Variants in RASAL2 observed in about 807,000 individuals in gnomAD.
The protein encoded by RASAL2 is ras GTPase-activating protein nGAP.
In RASAL2, 58 loss-of-function variants were observed where a neutral mutation model predicts 128.9. The observed-to-expected ratio is 0.45, with a 90% CI of 0.36 to 0.56. The LOEUF is 0.56. Among genes scored for constraint, RASAL2 ranks in the 20% least tolerant of loss-of-function variants. The pLI is 0.00. For synonymous variants in RASAL2, 561 were observed against 580.8 expected (o/e 0.97, Z 0.49); for missense variants, 1,360 against 1,601.6 (o/e 0.85, Z 2.57).
At chr1:178,457,597 G>A (rs981227656) in intron 13 of RASAL2, 86 bp from the exon 14 acceptor site, 37 of 1,382,492 alleles carry the variant, frequency 2.7e-5, no homozygotes, top group Admixed American at 1.3e-4. Flanking sequence ...AAGAACCTTC[G>A]GAGGAGTTCA....
intron 1 of RASAL2, among the ~76,000 whole-genome samples, chr1:178,111,468 A>G (rs1571488457): frequency 6.6e-6 from 1 of 152,156 alleles, no homozygotes; most frequent in African/African-American, 2.4e-5. Context: ...CCGTTTTCCC[A>G]CTAGCAGTGT....
At chr1:178,435,462 C>G (rs1482024950) in intron 5 of RASAL2, among the ~76,000 whole-genome samples, 3 of 152,016 alleles carry the variant, frequency 2.0e-5, no homozygotes, top group Non-Finnish European at 1.5e-5. Flanking sequence ...TCTTTTAAGA[C>G]TGATTTCATA....
chr1:178,255,293 A>AT (rs1169203095), intron 1 of RASAL2, among the ~76,000 whole-genome samples: 2 of 152,140 alleles, frequency 1.3e-5, no homozygotes, highest in Non-Finnish European at 2.9e-5. Flanking sequence ...TAATTATGTA[A>AT]TTTTAAAAGA....
intron 3 of RASAL2, among the ~76,000 whole-genome samples, chr1:178,353,565 GTCT>G (rs1315079265): frequency 6.6e-6 from 1 of 152,070 alleles, no homozygotes; most frequent in Non-Finnish European, 1.5e-5. Context: ...TCATCTTCCT[GTCT>G]TCTTCTCAAC....
chr1:178,129,435 T>C (rs1314145218), intron 1 of RASAL2, among the ~76,000 whole-genome samples: 3 of 152,134 alleles, frequency 2.0e-5, no homozygotes, highest in Admixed American at 6.5e-5. Flanking sequence ...CATTTTAAAA[T>C]TGGGCTGTCT....
chr1:178,169,114 C>T (rs1661617177), intron 1 of RASAL2, among the ~76,000 whole-genome samples: 1 of 151,930 alleles, frequency 6.6e-6, no homozygotes, highest in Admixed American at 6.6e-5. Flanking sequence ...TAGTTGCCTA[C>T]TTTTCCTTTA....
intron 1 of RASAL2, among the ~76,000 whole-genome samples, chr1:178,221,185 G>A (rs759264621): frequency 2.6e-5 from 4 of 152,160 alleles, no homozygotes; most frequent in African/African-American, 7.2e-5. Context: ...ACTTTGTGGA[G>A]CATCTTTTCA....
chr1:178,433,705 G>C (rs1676074609), intron 5 of RASAL2, among the ~76,000 whole-genome samples: 1 of 152,040 alleles, frequency 6.6e-6, no homozygotes, highest in Non-Finnish European at 1.5e-5. Flanking sequence ...CTGAGGTCAG[G>C]AGTTCAAGAC....
At chr1:178,368,292 C>G in intron 3 of RASAL2, among the ~76,000 whole-genome samples, 1 of 152,130 alleles carries the variant, frequency 6.6e-6, no homozygotes, top group East Asian at 1.9e-4. Context: ...GAATAGAATA[C>G]TTATCTCACG....
At chr1:178,438,637 G>A (rs12023044) in intron 5 of RASAL2, among the ~76,000 whole-genome samples, 37,820 of 151,742 alleles carry the variant, frequency 0.25, 7,509 homozygotes, top group African/African-American at 0.55. Context: ...CTTCTTATAA[G>A]CAACTAGGAA....
intron 1 of RASAL2, among the ~76,000 whole-genome samples, chr1:178,201,526 C>T (rs773136821): frequency 6.6e-6 from 1 of 152,204 alleles, no homozygotes; most frequent in African/African-American, 2.4e-5. Context: ...TTGCTTTTCT[C>T]TGTATGCCAG....
At chr1:178,307,392 G>A (rs898132281) in intron 3 of RASAL2, among the ~76,000 whole-genome samples, 2 of 152,044 alleles carry the variant, frequency 1.3e-5, no homozygotes, top group Non-Finnish European at 2.9e-5. Flanking sequence ...TTTTCCCCTA[G>A]TAACAGTATC....
At chr1:178,418,304 C>T (rs1225717471) in intron 4 of RASAL2, among the ~76,000 whole-genome samples, 2 of 151,942 alleles carry the variant, frequency 1.3e-5, no homozygotes, top group African/African-American at 4.8e-5. Context: ...AAATTGTAAA[C>T]TAGAGAAAAG....
At chr1:178,187,696 C>G (rs1363781246) in intron 1 of RASAL2, among the ~76,000 whole-genome samples, 1 of 152,094 alleles carries the variant, frequency 6.6e-6, no homozygotes, top group Non-Finnish European at 1.5e-5. Context: ...GTTTAAACTT[C>G]TTGAGAATCA....
At chr1:178,362,556 C>A (rs1296892974) in intron 3 of RASAL2, among the ~76,000 whole-genome samples, 5 of 144,024 alleles carry the variant, frequency 3.5e-5, no homozygotes, top group Non-Finnish European at 6.1e-5. Flanking sequence ...ATATTATTAA[C>A]CATAGTCCTC....
At chr1:178,191,840 T>TA (rs1248553583) in intron 1 of RASAL2, among the ~76,000 whole-genome samples, 3 of 152,038 alleles carry the variant, frequency 2.0e-5, no homozygotes, top group Non-Finnish European at 4.4e-5. Context: ...ATGAATGAAA[T>TA]AAAAAACGAA....
At chr1:178,150,945 A>G (rs1660892955) in intron 1 of RASAL2, among the ~76,000 whole-genome samples, 1 of 152,096 alleles carries the variant, frequency 6.6e-6, no homozygotes, top group Admixed American at 6.6e-5. Flanking sequence ...TCTTGGTGAT[A>G]TGGTTGTTTA....
In RASAL2 at chr1:178,454,537, T is replaced by C. The variant is rs765116543; in HGVS notation, c.2100T>C (p.Ser700=). Residue 700 remains serine (S), a synonymous_variant, in exon 12 of 18, where the codon TCT becomes TCC. Coordinates refer to ENST00000367649, the MANE Select transcript of RASAL2 (RefSeq NM_170692.4). The part of the protein sequence containing the change: ...GGMKRFLLEI[S]NPDTISNTPG... ...TGAAGCGCTTTCTTTTGGAGATCTC[T>C]AATCCAGACACCATCTCAAACACCC... The C allele has an allele frequency of 3.1e-5, 50 of 1,613,678 alleles. No homozygotes were observed. Among genetic ancestry groups the C allele is most frequent in the Non-Finnish European group, 4.2e-5 (49 of 1,179,564 alleles).
At chr1:178,244,516 C>T (rs1268977423) in intron 1 of RASAL2, among the ~76,000 whole-genome samples, 1 of 152,220 alleles carries the variant, frequency 6.6e-6, no homozygotes, top group East Asian at 1.9e-4. Context: ...GCTGGGATTA[C>T]AGGCGTGAGC....
Sources: allele counts gnomAD v4.1 joint callset (sites outside exome capture counted in the v4.1 genomes callset), GRCh38; gene constraint gnomAD v4.1.1; transcripts MANE v1.5; gene names NCBI Gene and HGNC (gene_info 2026-07-23, HGNC 2026-07-21).